The following TYR variants were observed in gnomAD, a reference collection of about 807,000 sequenced individuals.
TYR encodes the protein LB24-AB.
In TYR, 58 loss-of-function variants were observed where a neutral mutation model predicts 51.5. The ratio of observed to expected loss-of-function variants is 1.13; its 90% CI spans 0.91 to 1.40. TYR has a LOEUF of 1.40. TYR is among the 40% of genes most tolerant of loss of function. The pLI is 0.00. For synonymous variants in TYR, 263 were observed against 235.2 expected, an observed-to-expected ratio of 1.12 and a Z score of -1.08; for missense variants, 732 against 647.4, an observed-to-expected ratio of 1.13 and a Z score of -1.42.
chr11:89,196,997 G>A (rs115321457), intron 2 of TYR, among the ~76,000 whole-genome samples: 1 of 152,262 alleles, frequency 6.6e-6, no homozygotes, highest in African/African-American at 2.4e-5. Context: ...ACATAAAATG[G>A]TAATTGATAT....
chr11:89,253,904 G>T (rs1455662928), intron 3 of TYR, among the ~76,000 whole-genome samples: 2 of 151,780 alleles, frequency 1.3e-5, no homozygotes, highest in Non-Finnish European at 2.9e-5. Flanking sequence ...TCTTGTTCCA[G>T]TTCTCAGAGG....
At chr11:89,194,750 G>A (rs184783506) in intron 2 of TYR, among the ~76,000 whole-genome samples, 7 of 152,158 alleles carry the variant, frequency 4.6e-5, no homozygotes, top group African/African-American at 9.6e-5. Flanking sequence ...ACTCATTGAT[G>A]TGCTTAATTA....
At chr11:89,268,875 T>C (rs1378516842) in intron 3 of TYR, among the ~76,000 whole-genome samples, 1 of 151,844 alleles carries the variant, frequency 6.6e-6, no homozygotes, top group Non-Finnish European at 1.5e-5. Context: ...GTGCCCAGGG[T>C]CCCTGTCAGT....
chr11:89,238,074 G>A (rs992527531), intron 3 of TYR, among the ~76,000 whole-genome samples: 1 of 151,958 alleles, frequency 6.6e-6, no homozygotes, highest in African/African-American at 2.4e-5. Flanking sequence ...GACCTCAAGT[G>A]ATCCACTCGT....
At chr11:89,274,246 T>C (rs1944624484) in intron 3 of TYR, among the ~76,000 whole-genome samples, 1 of 151,890 alleles carries the variant, frequency 6.6e-6, no homozygotes, top group Admixed American at 6.6e-5. Flanking sequence ...ATAAAATTCA[T>C]AGACCTATTG....
intron 2 of TYR, chr11:89,191,957 C>T (rs2135253860): frequency 2.4e-6 from 1 of 425,478 alleles, no homozygotes; most frequent in East Asian, 7.3e-5. Flanking sequence ...AGTCTGTGGA[C>T]TGATACTATT....
intron 3 of TYR, among the ~76,000 whole-genome samples, chr11:89,258,425 C>A (rs1590883315): frequency 6.8e-6 from 1 of 147,688 alleles, no homozygotes. Context: ...TATATGGCAA[C>A]ATCTGGCCAA....
intron 3 of TYR, among the ~76,000 whole-genome samples, chr11:89,239,245 C>T (rs1944160821): frequency 6.6e-6 from 1 of 152,086 alleles, no homozygotes; most frequent in South Asian, 2.1e-4. Flanking sequence ...ATTACTAATT[C>T]ACTCTCTGTA....
intron 3 of TYR, among the ~76,000 whole-genome samples, chr11:89,266,071 G>T (rs1304853606): frequency 6.6e-6 from 1 of 151,990 alleles, no homozygotes. Flanking sequence ...TTTTCCAGCA[G>T]TCCAGATCAT....
At chr11:89,220,616 G>T (rs1385720248) in intron 2 of TYR, among the ~76,000 whole-genome samples, 2 of 152,010 alleles carry the variant, frequency 1.3e-5, no homozygotes, top group East Asian at 1.9e-4. Flanking sequence ...AGATAGCCGG[G>T]CGTGGCGGGT....
In TYR at chr11:89,178,475, C is replaced by T. The variant is rs777920667; in HGVS notation, c.522C>T (p.Asp174=). 21 of 1,614,010 alleles carry T rather than the reference C, an allele frequency of 1.3e-5. No homozygotes were observed. The highest frequency in any genetic ancestry group is 4.5e-5 in the East Asian group (2 of 44,878). Residue 174 remains aspartate (D), a synonymous_variant, in exon 1 of 5, where the codon GAC becomes GAT. Coordinates refer to ENST00000263321, the MANE Select transcript of TYR (RefSeq NM_000372.5). ...TGTTTAACGACATCAATATTTATGA[C>T]CTCTTTGTCTGGATGCATTATTATG... ...TPMFNDINIY[D]LFVWMHYYVS...
intron 3 of TYR, among the ~76,000 whole-genome samples, chr11:89,256,063 TAG>T (rs1390916095): frequency 1.3e-5 from 2 of 151,780 alleles, no homozygotes; most frequent in East Asian, 1.9e-4. Flanking sequence ...TGGTTTGTTA[TAG>T]AATCAGGGTG....
chr11:89,223,730 A>G (rs771640306), intron 2 of TYR, among the ~76,000 whole-genome samples: 1 of 152,166 alleles, frequency 6.6e-6, no homozygotes, highest in Admixed American at 6.6e-5. Flanking sequence ...TCTCTAGTCT[A>G]TTTGAAGAGA....
At chr11:89,228,457 G>A (rs1259020967) in intron 3 of TYR, among the ~76,000 whole-genome samples, 2 of 152,182 alleles carry the variant, frequency 1.3e-5, no homozygotes, top group Non-Finnish European at 2.9e-5. Context: ...GGAGAAAGTT[G>A]TTAAGAGCAA....
chr11:89,290,668 G>T (rs1305272310), intron 4 of TYR, among the ~76,000 whole-genome samples: 4 of 151,976 alleles, frequency 2.6e-5, no homozygotes, highest in African/African-American at 7.2e-5. Flanking sequence ...TAGCTAGTCA[G>T]AAAGGAAAAG....
At chr11:89,181,357 A>C (rs1325268444) in intron 1 of TYR, among the ~76,000 whole-genome samples, 1 of 152,186 alleles carries the variant, frequency 6.6e-6, no homozygotes, top group Non-Finnish European at 1.5e-5. Flanking sequence ...TGTGATTCTA[A>C]TGTGCAGCCA....
intron 2 of TYR, among the ~76,000 whole-genome samples, chr11:89,206,171 T>C (rs1411346151): frequency 6.6e-6 from 1 of 152,128 alleles, no homozygotes; most frequent in Non-Finnish European, 1.5e-5. Flanking sequence ...ATAATACTTA[T>C]ATTAAATGTG....
chr11:89,256,595 T>A (rs1001038931), intron 3 of TYR, among the ~76,000 whole-genome samples: 1 of 151,794 alleles, frequency 6.6e-6, no homozygotes, highest in African/African-American at 2.4e-5. Flanking sequence ...AAATAATAGC[T>A]TAAATAGATA....
intron 4 of TYR, 117 bp downstream of exon 4, chr11:89,285,071 G>A (rs1262917150): frequency 5.8e-6 from 5 of 855,022 alleles, no homozygotes; most frequent in Non-Finnish European, 7.7e-6. Context: ...AATCCTGAAA[G>A]TGCATTATAA....
Sources: allele counts gnomAD v4.1 joint callset (sites outside exome capture counted in the v4.1 genomes callset), GRCh38; gene constraint gnomAD v4.1.1; transcripts MANE v1.5; gene names NCBI Gene and HGNC (gene_info 2026-07-23, HGNC 2026-07-21).